Variants in TRAPPC10 observed in about 807,000 individuals in gnomAD.
TRAPPC10 encodes the protein trafficking protein particle complex subunit 10.
Under a neutral mutation model 125.5 loss-of-function variants are expected in TRAPPC10, and 23 were observed. That is an observed-to-expected ratio of 0.18 (90% CI 0.13 to 0.26). The LOEUF (loss-of-function observed/expected upper bound fraction) is 0.26, where lower values mean the gene tolerates loss of function less well. Ranked by LOEUF, TRAPPC10 falls within the 10% of genes least tolerant of loss-of-function variation. The probability of loss-of-function intolerance (pLI) is 1.00; values close to 1 mark genes in which losing one functional copy is unlikely to be tolerated. For missense variants in TRAPPC10, 1,123 were observed against 1,308.4 expected (o/e 0.86, Z 2.19); for synonymous variants, 509 against 518.0 (o/e 0.98, Z 0.24).
chr21:44,033,277 A>G (rs2033731770), intron 2 of TRAPPC10, among the ~76,000 whole-genome samples: 1 of 152,178 alleles, frequency 6.6e-6, no homozygotes, highest in Non-Finnish European at 1.5e-5. Context: ...GTGCCTTAGT[A>G]ACATGAGGGA....
chr21:44,079,298 CAT>C (rs1205524017), intron 11 of TRAPPC10, among the ~76,000 whole-genome samples: 5 of 152,166 alleles, frequency 3.3e-5, no homozygotes, highest in Non-Finnish European at 7.3e-5. Flanking sequence ...AGTTCCTCGA[CAT>C]GTGTATAAAG....
intron 1 of TRAPPC10, among the ~76,000 whole-genome samples, chr21:44,017,928 G>T (rs114833010): frequency 6.6e-6 from 1 of 152,070 alleles, no homozygotes; most frequent in Non-Finnish European, 1.5e-5. Flanking sequence ...ATCTCTTGGT[G>T]CCTCTCTGCG....
intron 7 of TRAPPC10, among the ~76,000 whole-genome samples, chr21:44,071,345 C>T (rs1273100947): frequency 6.6e-6 from 1 of 152,240 alleles, no homozygotes; most frequent in African/African-American, 2.4e-5. Flanking sequence ...GTGCCCTTCA[C>T]ATACCTTGTT....
chr21:44,053,335 T>C (rs1385141576), intron 4 of TRAPPC10, among the ~76,000 whole-genome samples: 1 of 152,236 alleles, frequency 6.6e-6, no homozygotes, highest in East Asian at 1.9e-4. Context: ...TAAGTTAATA[T>C]AACGTTATGT....
intron 2 of TRAPPC10, among the ~76,000 whole-genome samples, chr21:44,035,155 G>A (rs2033899172): frequency 6.6e-6 from 1 of 152,198 alleles, no homozygotes; most frequent in African/African-American, 2.4e-5. Flanking sequence ...GTGGATTAAT[G>A]TTGCTGTCAC....
chr21:44,027,019 G>A (rs1013082182), intron 1 of TRAPPC10, among the ~76,000 whole-genome samples: 12 of 152,192 alleles, frequency 7.9e-5, no homozygotes, highest in African/African-American at 2.9e-4. Context: ...ACAGTGTCTT[G>A]TTAACAGGTT....
In TRAPPC10 at chr21:44,017,547, A is replaced by C. The variant is rs181515400; in HGVS notation, c.67+4987A>C. On this transcript the variant is annotated intron_variant, in intron 1 of 22. Transcript: ENST00000291574. The stretch of plus-strand genomic sequence containing the variant: ...AAAATTCCATTTATTAAGTAGTTAG[A>C]TTCCAGTAATTTATTAAATATTATG... 4.5e-3 allele frequency among the ~76,000 whole-genome samples: 687 copies of C among 152,246 alleles called. 6 individuals are homozygous for C. The highest frequency in any genetic ancestry group is 0.015 in the African/African-American group (642 of 41,540).
At chr21:44,074,548 G>A in intron 8 of TRAPPC10, 78 bp downstream of exon 8, 1 of 1,582,806 alleles carries the variant, frequency 6.3e-7, no homozygotes, top group Non-Finnish European at 8.6e-7. Flanking sequence ...TCTGCTGTTT[G>A]GAGGAGAGGT....
intron 15 of TRAPPC10, among the ~76,000 whole-genome samples, chr21:44,086,280 A>T (rs1379090014): frequency 6.6e-6 from 1 of 152,188 alleles, no homozygotes; most frequent in East Asian, 1.9e-4. Flanking sequence ...GGATTCTCAG[A>T]GGCCTCAGCT....
intron 11 of TRAPPC10, 36 bp downstream of exon 11, chr21:44,077,820 A>C: frequency 6.8e-7 from 1 of 1,480,878 alleles, no homozygotes; most frequent in Non-Finnish European, 9.4e-7. Context: ...AATTCTAAAC[A>C]TACAAATAAC....
At chr21:44,014,462 C>T (rs1438873606) in intron 1 of TRAPPC10, among the ~76,000 whole-genome samples, 1 of 151,752 alleles carries the variant, frequency 6.6e-6, no homozygotes, top group East Asian at 1.9e-4. Flanking sequence ...GGCATGATCT[C>T]GGCCATGATC....
chr21:44,083,742 A>G (rs2037922805), intron 14 of TRAPPC10, among the ~76,000 whole-genome samples: 1 of 152,212 alleles, frequency 6.6e-6, no homozygotes, highest in Non-Finnish European at 1.5e-5. Context: ...CTGACACAGG[A>G]TATCCTGTAA....
intron 1 of TRAPPC10, among the ~76,000 whole-genome samples, chr21:44,029,262 T>C (rs2033361773): frequency 1.3e-5 from 2 of 151,238 alleles, no homozygotes; most frequent in Admixed American, 6.6e-5. Flanking sequence ...ACCCAGCTAA[T>C]TTTTTGTATT....
At chr21:44,023,542 A>G (rs865941972) in intron 1 of TRAPPC10, among the ~76,000 whole-genome samples, 1 of 152,080 alleles carries the variant, frequency 6.6e-6, no homozygotes. Flanking sequence ...GGGGTCTAAG[A>G]TAGAGGCATC....
chr21:44,091,256 C>T (rs987691343), intron 18 of TRAPPC10, among the ~76,000 whole-genome samples: 2 of 152,050 alleles, frequency 1.3e-5, no homozygotes, highest in Non-Finnish European at 2.9e-5. Flanking sequence ...ATATAAGCCC[C>T]GCCTATCATC....
chr21:44,084,989 G>C (rs2038028647), intron 15 of TRAPPC10, among the ~76,000 whole-genome samples: 1 of 152,240 alleles, frequency 6.6e-6, no homozygotes, highest in African/African-American at 2.4e-5. Context: ...GTGTTCAGCT[G>C]CCTGAAAGCT....
In TRAPPC10 at chr21:44,059,204, C is replaced by T. The variant is rs767991758; in HGVS notation, c.780C>T (p.Phe260=). The part of the protein sequence containing the change: ...DALFSQYVVN[F]GAGDGANWLT... Reference sequence around the variant, plus strand: ...TCTTCTCTCAGTATGTGGTCAACTTCGGGGCCGGGGGTGAGTAGTGGCACT... The same window carrying T: ...TCTTCTCTCAGTATGTGGTCAACTTTGGGGCCGGGGGTGAGTAGTGGCACT... Residue 260 remains phenylalanine (F), a synonymous_variant, in exon 6 of 23, where the codon TTC becomes TTT. Transcript: ENST00000291574. This position sits in a 1 kb window ranked among gnomAD's most constrained non-coding sequence, Gnocchi z 4.4. 1.2e-5 allele frequency: 20 copies of T among 1,606,726 alleles called. No individual in the cohort carries two copies. Among genetic ancestry groups the T allele is most frequent in the Admixed American group, 1.0e-4 (6 of 58,314 alleles).
At chr21:44,089,964 T>G in intron 18 of TRAPPC10, 31 bp downstream of exon 18, 1 of 1,553,742 alleles carries the variant, frequency 6.4e-7, no homozygotes, top group Non-Finnish European at 8.9e-7. Context: ...GGGCCCTGGC[T>G]TCTTTCCCCA....
rs1041126686 is a variant in TRAPPC10, at chr21:44,082,119, T to A, written c.1724-669T>A. 6.6e-6 allele frequency among the ~76,000 whole-genome samples: 1 copy of A among 152,268 alleles called. No homozygotes were observed. Among genetic ancestry groups the A allele is most frequent in the African/African-American group, 2.4e-5 (1 of 41,476 alleles). On this transcript the variant is annotated intron_variant, in intron 13 of 22. Transcript: ENST00000291574. This position sits in a 1 kb window ranked among gnomAD's most constrained non-coding sequence, Gnocchi z 4.4. The stretch of plus-strand genomic sequence containing the variant: ...TTTCTCATGATCTATGGCATCAGTC[T>A]TGGCAAGTCCTTTCGTTGATGAATA...
Sources: gnomAD v4.1 joint callset for allele counts (sites outside exome capture counted in the v4.1 genomes callset) on GRCh38, gnomAD v4.1.1 for gene constraint, Gnocchi (gnomAD v3.1) non-coding constraint, MANE v1.5 for transcripts, NCBI Gene and HGNC (gene_info 2026-07-23, HGNC 2026-07-21) for gene names.